CMTM8: variants seen among roughly 807,000 people sequenced by gnomAD.
The protein encoded by CMTM8 is CKLF like MARVEL transmembrane domain containing 8, also known as CKLF-like MARVEL transmembrane domain-containing protein 8.
A neutral mutation model predicts 18.6 loss-of-function variants in CMTM8; 12 were observed. The ratio of observed to expected loss-of-function variants is 0.65; its 90% CI spans 0.41 to 1.05. CMTM8 has a LOEUF of 1.05. CMTM8 is among the 50% of genes least tolerant of loss of function. The pLI is 0.00. For synonymous variants in CMTM8, 87 were observed against 90.6 expected, an observed-to-expected ratio of 0.96 and a Z score of 0.23; for missense variants, 217 against 227.2, an observed-to-expected ratio of 0.95 and a Z score of 0.29.
chr3:32,341,087 A>G (rs775043919), intron 1 of CMTM8, among the ~76,000 whole-genome samples: 62 of 152,222 alleles, frequency 4.1e-4, no homozygotes, highest in Non-Finnish European at 2.2e-4. Flanking sequence ...TTTTCCATGT[A>G]CTTGTCCTTC....
At chr3:32,322,212 G>A (rs762032820) in intron 1 of CMTM8, among the ~76,000 whole-genome samples, 2 of 152,188 alleles carry the variant, frequency 1.3e-5, no homozygotes. Flanking sequence ...TGAGTGTGCA[G>A]TCCAATTCAG....
In CMTM8 at chr3:32,238,914, G is replaced by T. The variant is rs1183015961; in HGVS notation, c.-59G>T. The T allele has an allele frequency of 6.1e-6, 9 of 1,486,634 alleles. No individual in the cohort carries two copies. Among genetic ancestry groups the T allele is most frequent in the Non-Finnish European group, 7.2e-6 (8 of 1,115,768 alleles). The allele number at this position is 1,486,634 out of a possible 1,614,324, so 92.1% of individuals were successfully genotyped here. ...GTGTCCCCAGGGCGCAGGGCCGCGC[G>T]TCCAGCCCCAGACCCGCCGGGGTCC... On this transcript the variant is annotated 5_prime_UTR_variant, in exon 1 of 4. Transcript: ENST00000307526.
chr3:32,325,311 AG>A (rs35032495), intron 1 of CMTM8, among the ~76,000 whole-genome samples: 2 of 152,194 alleles, frequency 1.3e-5, no homozygotes, highest in South Asian at 2.1e-4. Flanking sequence ...ACTCAGTTAC[AG>A]GGGGGAAAGT....
intron 1 of CMTM8, among the ~76,000 whole-genome samples, chr3:32,349,707 T>A (rs1224960610): frequency 6.6e-6 from 1 of 152,020 alleles, no homozygotes; most frequent in East Asian, 1.9e-4. Flanking sequence ...GCACTCCAGA[T>A]CAATAATTTT....
At chr3:32,238,209 A>T (rs1701888569), upstream of CMTM8, 1 of 152,272 alleles carries the variant, frequency 6.6e-6, no homozygotes, top group South Asian at 2.1e-4. Flanking sequence ...GCGGCCTCTC[A>T]TCGATCTCGG....
chr3:32,348,527 A>T (rs1310499016), intron 1 of CMTM8, among the ~76,000 whole-genome samples: 1 of 17,344 alleles, frequency 5.8e-5, no homozygotes. Flanking sequence ...CTCTTCCTGG[A>T]ACTTTTTTTT....
intron 1 of CMTM8, among the ~76,000 whole-genome samples, chr3:32,239,503 C>T (rs2125524478): frequency 6.6e-6 from 1 of 152,216 alleles, no homozygotes; most frequent in Non-Finnish European, 1.5e-5. Context: ...GAAAATAAAG[C>T]TTCCTAAGAT....
At chr3:32,250,031 G>A (rs530326213) in intron 1 of CMTM8, among the ~76,000 whole-genome samples, 64 of 152,150 alleles carry the variant, frequency 4.2e-4, no homozygotes, top group African/African-American at 1.4e-3. Flanking sequence ...TCTATGATTC[G>A]TTTTGAGTTC....
At chr3:32,293,645 A>C (rs568599642) in intron 1 of CMTM8, among the ~76,000 whole-genome samples, 1 of 152,302 alleles carries the variant, frequency 6.6e-6, no homozygotes, top group South Asian at 2.1e-4. Flanking sequence ...CAGGAGTTCA[A>C]GACCAGCTTG....
chr3:32,299,515 T>G (rs978429926), intron 1 of CMTM8, among the ~76,000 whole-genome samples: 1 of 152,224 alleles, frequency 6.6e-6, no homozygotes, highest in Non-Finnish European at 1.5e-5. Context: ...AGTAGGTGCT[T>G]ATGTACCTGG....
At chr3:32,312,003 C>T (rs1466908069) in intron 1 of CMTM8, among the ~76,000 whole-genome samples, 6 of 152,044 alleles carry the variant, frequency 3.9e-5, no homozygotes, top group Non-Finnish European at 7.3e-5. Context: ...AGAGGAGGGG[C>T]GATTATAAAA....
At chr3:32,256,645 G>GT (rs1210072621) in intron 1 of CMTM8, among the ~76,000 whole-genome samples, 2 of 152,206 alleles carry the variant, frequency 1.3e-5, no homozygotes, top group Non-Finnish European at 2.9e-5. Flanking sequence ...TTATAGGGAA[G>GT]TTTCTTCAGG....
chr3:32,344,091 T>G (rs1696551155), intron 1 of CMTM8, among the ~76,000 whole-genome samples: 1 of 152,222 alleles, frequency 6.6e-6, no homozygotes, highest in South Asian at 2.1e-4. Flanking sequence ...ATGGCGATAT[T>G]GGTTAGTTCT....
intron 1 of CMTM8, among the ~76,000 whole-genome samples, chr3:32,297,616 C>G (rs1160886827): frequency 1.3e-5 from 2 of 152,018 alleles, no homozygotes; most frequent in Admixed American, 6.6e-5. Context: ...GTGGCGCAGA[C>G]ACTCCAGGCT....
chr3:32,295,974 C>T (rs1702871739), intron 1 of CMTM8, among the ~76,000 whole-genome samples: 4 of 152,148 alleles, frequency 2.6e-5, no homozygotes, highest in African/African-American at 9.7e-5. Context: ...ATGCCCACCT[C>T]ACCTGGCTAA....
chr3:32,368,080 C>G (rs1364286384), intron 3 of CMTM8, 92 bp downstream of exon 3: 11 of 852,598 alleles, frequency 1.3e-5, no homozygotes, highest in Non-Finnish European at 2.0e-5. Context: ...CAGGAAAAAG[C>G]AGCGCTTGCA....
intron 1 of CMTM8, among the ~76,000 whole-genome samples, chr3:32,280,670 A>C (rs542410738): frequency 6.6e-6 from 1 of 151,900 alleles, no homozygotes; most frequent in African/African-American, 2.4e-5. Context: ...GTTTTGTCCA[A>C]TTCTTTGCTC....
At chr3:32,353,449 TAAAG>T (rs534860377) in intron 1 of CMTM8, among the ~76,000 whole-genome samples, 30 of 152,304 alleles carry the variant, frequency 2.0e-4, no homozygotes, top group Admixed American at 5.9e-4. Context: ...TGTACAAACA[TAAAG>T]AAGACAACCT....
At position 32,291,278 on chromosome 3, in the gene CMTM8, G is replaced by C. The variant is rs538628432; in HGVS notation, c.147+52159G>C. Among the ~76,000 whole-genome samples the C allele has an allele frequency of 3.5e-3, 532 of 152,040 alleles. 5 individuals carry two copies. Among genetic ancestry groups the C allele is most frequent in the African/African-American group, 0.012 (512 of 41,474 alleles). Reference sequence around the variant, plus strand: ...TGAGTAGCTGGGACTACAGGTGCCCGCCACCACATCTGGCTAATTTTTTTG... The same window carrying C: ...TGAGTAGCTGGGACTACAGGTGCCCCCCACCACATCTGGCTAATTTTTTTG... On this transcript the variant is annotated intron_variant, in intron 1 of 3. Transcript: ENST00000307526.
Sources: gnomAD v4.1 joint callset for allele counts (sites outside exome capture counted in the v4.1 genomes callset) on GRCh38, gnomAD v4.1.1 for gene constraint, MANE v1.5 for transcripts, NCBI Gene and HGNC (gene_info 2026-07-23, HGNC 2026-07-21) for gene names.